GNAQ: variants seen among roughly 807,000 people sequenced by gnomAD.
GNAQ encodes the protein G protein subunit alpha q.
A neutral mutation model predicts 43.9 loss-of-function variants in GNAQ; 8 were observed. The ratio of observed to expected loss-of-function variants is 0.18; its 90% CI spans 0.11 to 0.33. The LOEUF is 0.33. Among genes scored for constraint, GNAQ ranks in the 10% least tolerant of loss-of-function variants. The pLI, the probability that GNAQ is intolerant of heterozygous loss-of-function variation, is 1.00. For synonymous variants in GNAQ, 155 were observed against 170.7 expected (o/e 0.91, Z 0.71); for missense variants, 158 against 450.8 (o/e 0.35, Z 5.88).
chr9:77,835,370 A>G lies in GNAQ; in HGVS notation c.322-19600T>C, dbSNP rs970931954. ...AACCAAGACAAAAAATAATGACCTT[A>G]TATTTATGCAGCTGCTACTAACTCT... On this transcript the variant is annotated intron_variant, in intron 2 of 6. Coordinates refer to ENST00000286548, the MANE Select transcript of GNAQ (RefSeq NM_002072.5). 3.9e-5 allele frequency among the ~76,000 whole-genome samples: 6 copies of G among 151,984 alleles called. No homozygotes were observed. The South Asian group carries it at 8.3e-4, about 21-fold the overall frequency.
chr9:77,985,089 T>G (rs1031776843), intron 1 of GNAQ, among the ~76,000 whole-genome samples: 1 of 152,134 alleles, frequency 6.6e-6, no homozygotes, highest in Non-Finnish European at 1.5e-5. Flanking sequence ...GGCAGGCAGA[T>G]CACAAGGTGA....
intron 5 of GNAQ, among the ~76,000 whole-genome samples, chr9:77,766,877 C>T (rs1248620945): frequency 7.2e-5 from 11 of 152,034 alleles, no homozygotes; most frequent in South Asian, 2.1e-4. Flanking sequence ...CTGGGGGTTA[C>T]GAAAGGTATG....
chr9:77,849,294 T>C lies in GNAQ; in HGVS notation c.322-33524A>G, dbSNP rs144349667. On this transcript the variant is annotated intron_variant, in intron 2 of 6. Coordinates refer to ENST00000286548, the MANE Select transcript of GNAQ (RefSeq NM_002072.5). ...ATGACTCTCAAGCATCCTAAAACTA[T>C]CTAAAAAATAGAAATAATAAGAGTT... Among the ~76,000 whole-genome samples the C allele has an allele frequency of 3.3e-5, 5 of 152,212 alleles. No individual in the cohort carries two copies. In the East Asian group the frequency reaches 7.7e-4, roughly 24 times the overall value.
chr9:77,941,470 C>T (rs1829313997), intron 1 of GNAQ, among the ~76,000 whole-genome samples: 1 of 152,018 alleles, frequency 6.6e-6, no homozygotes, highest in Admixed American at 6.6e-5. Context: ...AGGATGGTCT[C>T]GATCTCCTGA....
intron 5 of GNAQ, among the ~76,000 whole-genome samples, chr9:77,761,118 G>A (rs1393771807): frequency 2.6e-5 from 4 of 151,932 alleles, no homozygotes; most frequent in Non-Finnish European, 5.9e-5. Context: ...AGGGAGGTGG[G>A]GGGTCAGCCC....
chr9:77,856,024 G>A lies in GNAQ; in HGVS notation c.322-40254C>T, dbSNP rs1267615297. ...CTGCTGACATTAGGCTCAGCTCATA[G>A]ATCTTGCTTACCAACTATTTGCTGA... On this transcript the variant is annotated intron_variant, in intron 2 of 6. Transcript: ENST00000286548. Among the ~76,000 whole-genome samples, 3 of 152,166 alleles carry A rather than the reference G, an allele frequency of 2.0e-5. No homozygotes were observed. In the East Asian group the frequency reaches 5.8e-4, roughly 29 times the overall value.
At chr9:77,998,987 G>T (rs991639508) in intron 1 of GNAQ, among the ~76,000 whole-genome samples, 3 of 151,396 alleles carry the variant, frequency 2.0e-5, no homozygotes, top group Admixed American at 2.0e-4. Flanking sequence ...GCTACTTCGG[G>T]GGGCTGAGGC....
At chr9:77,849,006 G>T (rs1386022303) in intron 2 of GNAQ, among the ~76,000 whole-genome samples, 2 of 152,166 alleles carry the variant, frequency 1.3e-5, no homozygotes, top group Non-Finnish European at 2.9e-5. Flanking sequence ...GAAGAAAAAT[G>T]TGTGGTGACA....
chr9:77,959,877 G>A (rs1168998659), intron 1 of GNAQ, among the ~76,000 whole-genome samples: 2 of 152,168 alleles, frequency 1.3e-5, no homozygotes, highest in African/African-American at 4.8e-5. Context: ...TGGCACCATG[G>A]TTCTAGGAAT....
intron 1 of GNAQ, among the ~76,000 whole-genome samples, chr9:77,968,471 C>T (rs1462186167): frequency 6.6e-6 from 1 of 152,156 alleles, no homozygotes; most frequent in East Asian, 1.9e-4. Context: ...TGTTTATTTA[C>T]CATACAGTTT....
intron 1 of GNAQ, among the ~76,000 whole-genome samples, chr9:77,945,972 C>T (rs1011953749): frequency 2.6e-5 from 4 of 152,216 alleles, no homozygotes; most frequent in Non-Finnish European, 4.4e-5. Flanking sequence ...GCAGGCATTT[C>T]TTCAGTCCTA....
chr9:77,922,073 A>C, intron 2 of GNAQ, 88 bp downstream of exon 2: 1 of 816,186 alleles, frequency 1.2e-6, no homozygotes, highest in Non-Finnish European at 2.0e-6. Flanking sequence ...TATGCACTCC[A>C]GACATGTCAA....
intron 2 of GNAQ, among the ~76,000 whole-genome samples, chr9:77,861,272 C>T (rs1020714924): frequency 9.2e-5 from 14 of 152,200 alleles, no homozygotes; most frequent in African/African-American, 3.1e-4. Context: ...ATTCAATTGC[C>T]TCCGGCCAGG....
chr9:77,866,184 A>C (rs759309239), intron 2 of GNAQ, among the ~76,000 whole-genome samples: 32 of 152,344 alleles, frequency 2.1e-4, no homozygotes, highest in Admixed American at 1.8e-3. Context: ...ATTTAAAAAA[A>C]ACAAAAATTT....
intron 1 of GNAQ, among the ~76,000 whole-genome samples, chr9:77,977,585 G>T (rs1020155287): frequency 9.9e-5 from 15 of 152,258 alleles, no homozygotes; most frequent in African/African-American, 3.1e-4. Flanking sequence ...CCACTCCTCA[G>T]ACTAGAGAAA....
intron 5 of GNAQ, among the ~76,000 whole-genome samples, chr9:77,755,300 A>T (rs2118307469): frequency 6.6e-6 from 1 of 152,332 alleles, no homozygotes; most frequent in African/African-American, 2.4e-5. Flanking sequence ...AATAAGATCT[A>T]GTATTTGATA....
intron 1 of GNAQ, among the ~76,000 whole-genome samples, chr9:77,995,229 C>A (rs1419288702): frequency 6.6e-6 from 1 of 152,164 alleles, no homozygotes; most frequent in Non-Finnish European, 1.5e-5. Flanking sequence ...AGCCTTGCAG[C>A]CTCAAAGATG....
intron 2 of GNAQ, among the ~76,000 whole-genome samples, chr9:77,820,388 A>T (rs1827094185): frequency 6.6e-6 from 1 of 152,210 alleles, no homozygotes; most frequent in African/African-American, 2.4e-5. Context: ...ATGCAGAGTG[A>T]CAGTTGTTGT....
intron 5 of GNAQ, among the ~76,000 whole-genome samples, chr9:77,755,506 T>A (rs931721140): frequency 2.5e-4 from 38 of 152,236 alleles, no homozygotes; most frequent in African/African-American, 8.4e-4. Context: ...ATAATTTTTT[T>A]AAAAAAAGAA....
Sources: allele counts gnomAD v4.1 joint callset (sites outside exome capture counted in the v4.1 genomes callset), GRCh38; gene constraint gnomAD v4.1.1; transcripts MANE v1.5; gene names NCBI Gene and HGNC (gene_info 2026-07-23, HGNC 2026-07-21).